The following VPS37A variants were observed in gnomAD, a reference collection of about 807,000 sequenced individuals.
VPS37A encodes the protein vacuolar protein sorting-associated protein 37A.
Under a neutral mutation model 49.8 loss-of-function variants are expected in VPS37A, and 30 were observed. The ratio of observed to expected loss-of-function variants is 0.60; its 90% CI spans 0.45 to 0.82. The LOEUF is 0.82. Among genes scored for constraint, VPS37A ranks in the 40% least tolerant of loss-of-function variants. The probability of loss-of-function intolerance (pLI) is 0.00; values close to 1 mark genes in which losing one functional copy is unlikely to be tolerated. For missense variants in VPS37A, 593 were observed against 464.4 expected (o/e 1.28, Z -2.55); for synonymous variants, 195 against 160.6 (o/e 1.21, Z -1.62).
chr8:17,257,542 G>A (rs182677114), intron 1 of VPS37A, among the ~76,000 whole-genome samples: 38 of 152,222 alleles, frequency 2.5e-4, no homozygotes, highest in Admixed American at 2.1e-3. Context: ...TGTAGGTGAC[G>A]GGTTGATGGG....
chr8:17,319,277 C>T, the VPS37A span, among the ~76,000 whole-genome samples: 3 of 152,160 alleles, frequency 2.0e-5, no homozygotes, highest in South Asian at 6.2e-4. Context: ...CTTCCTCAAA[C>T]AGTTGTGAAG....
downstream of VPS37A, among the ~76,000 whole-genome samples, chr8:17,303,011 A>T (rs1817229344): frequency 6.6e-6 from 1 of 152,004 alleles, no homozygotes; most frequent in Non-Finnish European, 1.5e-5. Flanking sequence ...ACGCCTGACC[A>T]ATAAATCCCT....
intron 1 of VPS37A, among the ~76,000 whole-genome samples, chr8:17,256,686 T>A (rs1003034962): frequency 6.6e-6 from 1 of 151,550 alleles, no homozygotes; most frequent in Non-Finnish European, 1.5e-5. Flanking sequence ...GAGTTTCACT[T>A]TTGTTGCTCA....
At chr8:17,286,673 G>A (rs768459908) in intron 11 of VPS37A, 5 of 399,930 alleles carry the variant, frequency 1.3e-5, no homozygotes, top group Non-Finnish European at 1.8e-5. Context: ...AGCTGCTAAT[G>A]TAGAATTGTA....
chr8:17,255,275 G>T (rs1265290353), intron 1 of VPS37A, among the ~76,000 whole-genome samples: 1 of 152,182 alleles, frequency 6.6e-6, no homozygotes, highest in Non-Finnish European at 1.5e-5. Context: ...GAGGTCAGGA[G>T]TTCGAGACCA....
chr8:17,316,246 T>C, the VPS37A span, among the ~76,000 whole-genome samples: 1 of 151,988 alleles, frequency 6.6e-6, no homozygotes, highest in Non-Finnish European at 1.5e-5. Context: ...TTATTACTAT[T>C]ATTCTCAAAT....
downstream of VPS37A, chr8:17,305,854 A>G: frequency 6.2e-7 from 1 of 1,613,604 alleles, no homozygotes; most frequent in Non-Finnish European, 8.5e-7. Flanking sequence ...CTCTCATTGA[A>G]CTCAAAGGCA....
At chr8:17,262,531 T>C (rs1051444512) in intron 1 of VPS37A, among the ~76,000 whole-genome samples, 2 of 152,136 alleles carry the variant, frequency 1.3e-5, no homozygotes, top group African/African-American at 4.8e-5. Flanking sequence ...GCAGGTCATT[T>C]AAATTTTCTC....
intron 1 of VPS37A, among the ~76,000 whole-genome samples, chr8:17,260,007 G>A (rs1198375886): frequency 6.6e-6 from 1 of 152,046 alleles, no homozygotes; most frequent in East Asian, 1.9e-4. Flanking sequence ...CTTGGGTCTT[G>A]TTGCTTTATC....
At chr8:17,311,666 C>T in the VPS37A span, 1 of 1,613,598 alleles carries the variant, frequency 6.2e-7, no homozygotes, top group Non-Finnish European at 8.5e-7. Flanking sequence ...CAAAGAGTCA[C>T]AAAGAATGGC....
downstream of VPS37A, among the ~76,000 whole-genome samples, chr8:17,306,172 G>A (rs367802167): frequency 2.6e-5 from 4 of 152,068 alleles, no homozygotes; most frequent in East Asian, 3.9e-4. Context: ...ATGCGTTCAC[G>A]TTATAGTTAC....
At chr8:17,269,424 T>C (rs1340540341) in intron 4 of VPS37A, among the ~76,000 whole-genome samples, 1 of 152,256 alleles carries the variant, frequency 6.6e-6, no homozygotes, top group Non-Finnish European at 1.5e-5. Flanking sequence ...AATTAATAAT[T>C]ACCTACATTT....
the VPS37A span, among the ~76,000 whole-genome samples, chr8:17,313,982 T>G: frequency 2.0e-5 from 3 of 152,198 alleles, no homozygotes; most frequent in Non-Finnish European, 4.4e-5. Flanking sequence ...GATCCAATTC[T>G]AGAGCATCAG....
At chr8:17,331,271 C>CA in the VPS37A span, 1 of 1,606,424 alleles carries the variant, frequency 6.2e-7, no homozygotes, top group Non-Finnish European at 8.5e-7. Flanking sequence ...CACGATTTGC[C>CA]ATTGCATTAA....
chr8:17,250,232 G>C (rs992137155), intron 1 of VPS37A, among the ~76,000 whole-genome samples: 1 of 152,158 alleles, frequency 6.6e-6, no homozygotes, highest in Non-Finnish European at 1.5e-5. Context: ...AGGCCCTCCA[G>C]ACTCCTTTAA....
intron 9 of VPS37A, among the ~76,000 whole-genome samples, chr8:17,281,353 C>G (rs994240474): frequency 2.0e-5 from 3 of 151,952 alleles, no homozygotes; most frequent in Non-Finnish European, 4.4e-5. Flanking sequence ...GGAGTGTAAC[C>G]TAAGCAGTCC....
chr8:17,332,072 G>A, the VPS37A span, among the ~76,000 whole-genome samples: 78 of 152,204 alleles, frequency 5.1e-4, 1 homozygote, highest in African/African-American at 1.5e-3. Context: ...GAAATGCATC[G>A]GTTTCTAGAA....
At chr8:17,327,610 T>A in the VPS37A span, among the ~76,000 whole-genome samples, 1 of 147,970 alleles carries the variant, frequency 6.8e-6, no homozygotes, top group African/African-American at 2.6e-5. Context: ...AAAACGTATT[T>A]TGGATTAGTC....
chr8:17,272,020 G>A (rs754484973), intron 4 of VPS37A: 24 of 456,488 alleles, frequency 5.3e-5, no homozygotes, highest in African/African-American at 2.2e-4. Flanking sequence ...GGCACCATCC[G>A]CACTGCCTGG....
Sources: gnomAD v4.1 joint callset for allele counts (sites outside exome capture counted in the v4.1 genomes callset) on GRCh38, gnomAD v4.1.1 for gene constraint, MANE v1.5 for transcripts, NCBI Gene and HGNC (gene_info 2026-07-23, HGNC 2026-07-21) for gene names.